Variants in METTL16 observed in about 807,000 individuals in gnomAD.
METTL16 encodes methyltransferase 16, RNA N6-adenosine, also known as RNA N(6)-adenosine-methyltransferase METTL16.
Under a neutral mutation model 57.9 loss-of-function variants are expected in METTL16, and 19 were observed. The observed-to-expected ratio is 0.33, with a 90% CI of 0.23 to 0.48. The LOEUF is 0.48. Among genes scored for constraint, METTL16 ranks in the 20% least tolerant of loss-of-function variants. The pLI is 0.99. For missense variants in METTL16, 434 were observed against 691.5 expected (o/e 0.63, Z 4.18); for synonymous variants, 246 against 255.6 (o/e 0.96, Z 0.36).
intron 7 of METTL16, among the ~76,000 whole-genome samples, chr17:2,440,014 C>A (rs2066935816): frequency 6.6e-6 from 1 of 152,024 alleles, no homozygotes; most frequent in Non-Finnish European, 1.5e-5. Context: ...CAGCAAGACC[C>A]TATCTTTATA....
rs1414627273 is a variant in METTL16, at chr17:2,497,783, GTGGCGCGATCA to G, written c.128+4410_128+4420del. Among the ~76,000 whole-genome samples, 22 of 151,510 alleles carry G rather than the reference GTGGCGCGATCA, an allele frequency of 1.5e-4. 1 individual carries two copies. Among genetic ancestry groups the G allele is most frequent in the Non-Finnish European group, 2.6e-4 (18 of 68,020 alleles). ...GCTCTGTTGCCTAGGCTGGAGTGCA[GTGGCGCGATCA>G]TGGTTCACTGCAGCCTTGACCCCCT... On this transcript the variant is annotated intron_variant, in intron 2 of 9. Transcript: ENST00000263092.
intron 2 of METTL16, among the ~76,000 whole-genome samples, chr17:2,489,111 CTTTT>C (rs11404983): frequency 2.7e-5 from 4 of 146,324 alleles, no homozygotes; most frequent in African/African-American, 1.0e-4. Context: ...ACTTTTCATT[CTTTT>C]TTTTTTATTT....
At chr17:2,461,476 G>T (rs1327363213) in intron 6 of METTL16, among the ~76,000 whole-genome samples, 1 of 152,060 alleles carries the variant, frequency 6.6e-6, no homozygotes, top group African/African-American at 2.4e-5. Flanking sequence ...AAGATTTATA[G>T]AATAAGAATA....
intron 8 of METTL16, among the ~76,000 whole-genome samples, chr17:2,426,445 TAGC>T (rs921949204): frequency 5.3e-5 from 8 of 151,870 alleles, no homozygotes; most frequent in African/African-American, 1.9e-4. Flanking sequence ...AAAGTAAAAA[TAGC>T]AGCCGGGTGC....
Position 2,420,658 on chromosome 17 carries a change from A to G in METTL16, c.1063-62T>C, listed in dbSNP as rs2066758133. ...CGTTTCCCCTCTCTCCAAACTCTCA[A>G]TAAAAAAAAAAAGAAAAAAGAAAAA... On this transcript the variant is annotated intron_variant, in intron 9 of 9. Coordinates refer to ENST00000263092, the MANE Select transcript of METTL16 (RefSeq NM_024086.4). The surrounding 1 kb of genome is among the most constrained non-coding windows in gnomAD (Gnocchi z 5.4). 1 of 1,557,438 alleles carries G rather than the reference A, an allele frequency of 6.4e-7. No homozygotes were observed. Among genetic ancestry groups the G allele is most frequent in the African/African-American group, 1.4e-5 (1 of 71,582 alleles).
chr17:2,423,566 G>A (rs2066784893), intron 8 of METTL16, among the ~76,000 whole-genome samples: 1 of 152,088 alleles, frequency 6.6e-6, no homozygotes, highest in Non-Finnish European at 1.5e-5. Flanking sequence ...TGATGGGGGT[G>A]GAGAATCAGA....
At chr17:2,490,936 A>G (rs966847464) in intron 2 of METTL16, among the ~76,000 whole-genome samples, 1 of 152,254 alleles carries the variant, frequency 6.6e-6, no homozygotes, top group Non-Finnish European at 1.5e-5. Flanking sequence ...CATTAAGCTG[A>G]GGCTAGTTTC....
intron 8 of METTL16, among the ~76,000 whole-genome samples, chr17:2,422,528 A>C (rs148859361): frequency 1.1e-4 from 16 of 151,886 alleles, no homozygotes; most frequent in African/African-American, 2.4e-4. Flanking sequence ...TACGTCACCA[A>C]GCCCAGCCAA....
At chr17:2,423,939 A>G (rs1744848291) in intron 8 of METTL16, among the ~76,000 whole-genome samples, 1 of 152,162 alleles carries the variant, frequency 6.6e-6, no homozygotes, top group Admixed American at 6.5e-5. Context: ...CACAAAATCG[A>G]CAACTTATTA....
At chr17:2,454,545 G>A (rs1055238728) in intron 6 of METTL16, among the ~76,000 whole-genome samples, 4 of 150,034 alleles carry the variant, frequency 2.7e-5, no homozygotes, top group Non-Finnish European at 4.4e-5. Flanking sequence ...ACATGGATAA[G>A]ACTATATTAT....
chr17:2,467,921 G>C, intron 4 of METTL16, 45 bp from the exon 5 acceptor site: 1 of 1,356,676 alleles, frequency 7.4e-7, no homozygotes, highest in South Asian at 1.2e-5. Context: ...ATGTTGCAGT[G>C]GTTCTAAAGT....
At chr17:2,509,604 T>G (rs1353252441) in intron 1 of METTL16, among the ~76,000 whole-genome samples, 1 of 152,156 alleles carries the variant, frequency 6.6e-6, no homozygotes, top group African/African-American at 2.4e-5. Flanking sequence ...AAAATTAAAG[T>G]GTTGGCCGGG....
intron 6 of METTL16, among the ~76,000 whole-genome samples, chr17:2,459,481 C>T (rs962995564): frequency 5.9e-5 from 9 of 152,184 alleles, no homozygotes; most frequent in African/African-American, 1.9e-4. Flanking sequence ...TGAGGTCAGT[C>T]CAACACATTT....
chr17:2,477,325 G>GATCTCGGTGGTCGCCGTATCAT, intron 3 of METTL16: 20 of 213,466 alleles, frequency 9.4e-5, no homozygotes, highest in East Asian at 3.2e-4. Context: ...GCCAGGTGTA[G>GATCTCGGTGGTCGCCGTATCAT]TAAAAAAGAA....
At chr17:2,490,280 G>A (rs998123711) in intron 2 of METTL16, among the ~76,000 whole-genome samples, 32 of 152,206 alleles carry the variant, frequency 2.1e-4, no homozygotes, top group African/African-American at 6.5e-4. Flanking sequence ...TCATACAAGT[G>A]TATGTGGATC....
chr17:2,416,828 T>C lies in METTL16; in HGVS notation c.*3142A>G, dbSNP rs991575559. ...TTATGACATATGAGTCAATAACCCA[T>C]TTCTTCAAAGAAAAACTTGCCCACC... On this transcript the variant is annotated 3_prime_UTR_variant, in exon 10 of 10. Transcript: ENST00000263092. 8.5e-5 allele frequency: 13 copies of C among 152,274 alleles called. No individual in the cohort carries two copies. Among genetic ancestry groups the C allele is most frequent in the African/African-American group, 2.7e-4 (11 of 41,418 alleles). The allele number at this position is 152,274 out of a possible 1,614,324, so 9.4% of individuals were successfully genotyped here.
chr17:2,422,346 A>AAC (rs1555614444), intron 8 of METTL16, among the ~76,000 whole-genome samples: 1 of 151,270 alleles, frequency 6.6e-6, no homozygotes, highest in African/African-American at 2.4e-5. Flanking sequence ...AGAAAAAAAA[A>AAC]AAAACAAAAC....
intron 5 of METTL16, 82 bp downstream of exon 5, chr17:2,467,679 G>A (rs2067210594): frequency 6.0e-6 from 6 of 996,010 alleles, no homozygotes; most frequent in South Asian, 2.6e-5. Context: ...ACCCGCCTTG[G>A]CCTCCCAAAG....
chr17:2,451,346 C>T (rs2067068045), intron 6 of METTL16, among the ~76,000 whole-genome samples: 1 of 152,146 alleles, frequency 6.6e-6, no homozygotes, highest in Admixed American at 6.5e-5. Flanking sequence ...TCATCGGGCA[C>T]AGCGGCTCAC....
Sources: gnomAD v4.1 joint callset for allele counts (sites outside exome capture counted in the v4.1 genomes callset) on GRCh38, gnomAD v4.1.1 for gene constraint, Gnocchi (gnomAD v3.1) non-coding constraint, MANE v1.5 for transcripts, NCBI Gene and HGNC (gene_info 2026-07-23, HGNC 2026-07-21) for gene names.